Variants in IMMP2L observed in about 807,000 individuals in gnomAD.
IMMP2L encodes inner mitochondrial membrane peptidase subunit 2.
Under a neutral mutation model 19.3 loss-of-function variants are expected in IMMP2L, and 18 were observed. That is an observed-to-expected ratio of 0.93 (90% CI 0.64 to 1.38). The LOEUF is 1.38. IMMP2L is among the 40% of genes most tolerant of loss of function. IMMP2L has a pLI of 0.00. For synonymous variants in IMMP2L, 76 were observed against 73.0 expected (o/e 1.04, Z -0.21); for missense variants, 233 against 218.2 (o/e 1.07, Z -0.43).
intron 1 of IMMP2L, among the ~76,000 whole-genome samples, chr7:111,556,024 A>ATATATATATATATATATATATG (rs1791296024): frequency 7.7e-6 from 1 of 130,002 alleles, no homozygotes; most frequent in Non-Finnish European, 1.6e-5. Context: ...GCATGTATAT[A>ATATATATATATATATATATATG]TATATATATA....
chr7:111,190,085 T>C (rs1357353840), intron 3 of IMMP2L, among the ~76,000 whole-genome samples: 2 of 152,142 alleles, frequency 1.3e-5, no homozygotes, highest in African/African-American at 2.4e-5. Context: ...TCTGCAGATA[T>C]ACATTTTACA....
chr7:111,172,771 T>G (rs954400773), intron 3 of IMMP2L, among the ~76,000 whole-genome samples: 2 of 151,602 alleles, frequency 1.3e-5, no homozygotes, highest in African/African-American at 4.8e-5. Context: ...CTGGTTTATG[T>G]CATTTAACCT....
Position 111,123,855 on chromosome 7 carries a change from G to C in IMMP2L, c.240-160290C>G. 1 of 1,613,938 alleles carries C rather than the reference G, an allele frequency of 6.2e-7. No individual in the cohort carries two copies. The highest frequency in any genetic ancestry group is 8.5e-7 in the Non-Finnish European group (1 of 1,179,976). On this transcript the variant is annotated intron_variant, in intron 3 of 5. Coordinates refer to ENST00000405709, the MANE Select transcript of IMMP2L (RefSeq NM_032549.4). This position sits in a 1 kb window ranked among gnomAD's most constrained non-coding sequence, Gnocchi z 6.4. ...CCATTGAGTCTCTGCCAAACCTCAA[G>C]GAAATCAGCATACACAGTAACCCCA...
intron 3 of IMMP2L, among the ~76,000 whole-genome samples, chr7:110,982,100 A>C (rs2129558205): frequency 6.6e-6 from 1 of 152,304 alleles, no homozygotes; most frequent in Middle Eastern, 3.4e-3. Context: ...TTAGGTATTA[A>C]CTGTGCAAAT....
intron 3 of IMMP2L, among the ~76,000 whole-genome samples, chr7:111,078,623 T>C (rs1292706823): frequency 1.3e-5 from 2 of 152,186 alleles, no homozygotes; most frequent in African/African-American, 2.4e-5. Flanking sequence ...AAGTGGTATA[T>C]ACAATATATC....
intron 3 of IMMP2L, among the ~76,000 whole-genome samples, chr7:111,118,582 C>T (rs753610382): frequency 5.3e-5 from 8 of 151,836 alleles, no homozygotes; most frequent in Non-Finnish European, 1.0e-4. Context: ...GATTAATGTA[C>T]CTCACCAACC....
At chr7:111,318,363 G>A (rs1824330202) in intron 3 of IMMP2L, among the ~76,000 whole-genome samples, 1 of 152,078 alleles carries the variant, frequency 6.6e-6, no homozygotes, top group South Asian at 2.1e-4. Context: ...CAATTCAAGA[G>A]TTCAAGGGCT....
At position 110,877,535 on chromosome 7, in the gene IMMP2L, G is replaced by A. The variant is rs964668187; in HGVS notation, c.408+9058C>T. ...ATACAAAAATGCAAAACCAAATGGT[G>A]AATTTATGGAATGATCAAGGCATAG... is the stretch of plus-strand genomic sequence containing the variant. On this transcript the variant is annotated intron_variant, in intron 5 of 5. Transcript: ENST00000405709. The surrounding 1 kb of genome is among the most constrained non-coding windows in gnomAD (Gnocchi z 4.0). Among the ~76,000 whole-genome samples the A allele has an allele frequency of 2.0e-5, 3 of 152,132 alleles. No individual in the cohort carries two copies. The highest frequency in any genetic ancestry group is 2.9e-5 in the Non-Finnish European group (2 of 68,024).
At chr7:111,419,654 T>C (rs1835297147) in intron 3 of IMMP2L, among the ~76,000 whole-genome samples, 1 of 151,806 alleles carries the variant, frequency 6.6e-6, no homozygotes, top group Non-Finnish European at 1.5e-5. Flanking sequence ...ATCTTACATA[T>C]GTTTATTATG....
chr7:111,397,073 G>A (rs2131375802), intron 3 of IMMP2L, among the ~76,000 whole-genome samples: 1 of 151,712 alleles, frequency 6.6e-6, no homozygotes, highest in South Asian at 2.1e-4. Flanking sequence ...GGGCAACAGA[G>A]CGAGACTCTA....
In IMMP2L at chr7:110,951,586, T is replaced by C. The variant is rs142075957; in HGVS notation, c.305+11914A>G. On this transcript the variant is annotated intron_variant, in intron 4 of 5. Transcript: ENST00000405709. Reference sequence around the variant, plus strand: ...GTATGTGTGTGTGTGTATACATATATATATTTAATTTTATTTGGTCTTCAA... The same window carrying C: ...GTATGTGTGTGTGTGTATACATATACATATTTAATTTTATTTGGTCTTCAA... Among the ~76,000 whole-genome samples the C allele has an allele frequency of 3.8e-3, 576 of 151,910 alleles. 3 individuals are homozygous for C. The highest frequency in any genetic ancestry group is 0.013 in the African/African-American group (558 of 41,488).
At chr7:111,161,450 T>C (rs1805252356) in intron 3 of IMMP2L, among the ~76,000 whole-genome samples, 1 of 151,912 alleles carries the variant, frequency 6.6e-6, no homozygotes, top group African/African-American at 2.4e-5. Flanking sequence ...TAAATGTCAT[T>C]TACTATATCA....
intron 3 of IMMP2L, among the ~76,000 whole-genome samples, chr7:111,204,049 A>G (rs1810443381): frequency 6.6e-6 from 1 of 152,196 alleles, no homozygotes; most frequent in South Asian, 2.1e-4. Flanking sequence ...GAAAGGAAAT[A>G]AATCTGACAT....
chr7:111,160,733 G>A (rs1805165651), intron 3 of IMMP2L, among the ~76,000 whole-genome samples: 1 of 149,486 alleles, frequency 6.7e-6, no homozygotes, highest in South Asian at 2.1e-4. Flanking sequence ...TAAAGTAAAA[G>A]TAAAATTAAA....
intron 5 of IMMP2L, among the ~76,000 whole-genome samples, chr7:110,855,543 C>A (rs1391443550): frequency 6.6e-6 from 1 of 151,956 alleles, no homozygotes; most frequent in Non-Finnish European, 1.5e-5. Context: ...TGATTCTATG[C>A]TAGAAACCAT....
intron 3 of IMMP2L, among the ~76,000 whole-genome samples, chr7:111,049,829 C>A (rs114996449): frequency 6.6e-6 from 1 of 152,332 alleles, no homozygotes; most frequent in African/African-American, 2.4e-5. Flanking sequence ...CATAAAGGGA[C>A]TGAAGACAGT....
intron 5 of IMMP2L, among the ~76,000 whole-genome samples, chr7:110,866,999 T>A (rs1054287915): frequency 1.3e-5 from 2 of 152,050 alleles, no homozygotes; most frequent in African/African-American, 4.8e-5. Flanking sequence ...TTAAAGGGAA[T>A]TTTACACAGA....
At position 111,260,801 on chromosome 7, in the gene IMMP2L, G is replaced by A. The variant is rs1384424628; in HGVS notation, c.239+226437C>T. ...AGACATAAAATTATACTATAAATACGTGACAATAGAGAATTTTTTATTGTC... is the reference window on the plus strand; with the variant it reads ...AGACATAAAATTATACTATAAATACATGACAATAGAGAATTTTTTATTGTC... On this transcript the variant is annotated intron_variant, in intron 3 of 5. Coordinates refer to ENST00000405709, the MANE Select transcript of IMMP2L (RefSeq NM_032549.4). Among the ~76,000 whole-genome samples, 8 of 152,086 alleles carry A rather than the reference G, an allele frequency of 5.3e-5. No homozygotes were observed. The Middle Eastern group carries it at 0.01, about 194-fold the overall frequency.
chr7:110,731,023 G>A (rs1403732180), intron 5 of IMMP2L, among the ~76,000 whole-genome samples: 1 of 152,148 alleles, frequency 6.6e-6, no homozygotes, highest in African/African-American at 2.4e-5. Context: ...CAGCTGATGG[G>A]CGTGACTAGA....
Sources: gnomAD v4.1 joint callset for allele counts (sites outside exome capture counted in the v4.1 genomes callset) on GRCh38, gnomAD v4.1.1 for gene constraint, Gnocchi (gnomAD v3.1) non-coding constraint, MANE v1.5 for transcripts, NCBI Gene and HGNC (gene_info 2026-07-23, HGNC 2026-07-21) for gene names.